RASSF2: variants seen among roughly 807,000 people sequenced by gnomAD.
RASSF2 encodes the protein ras association domain-containing protein 2.
Under a neutral mutation model 46.3 loss-of-function variants are expected in RASSF2, and 34 were observed. The ratio of observed to expected loss-of-function variants is 0.73; its 90% CI spans 0.56 to 0.98. The LOEUF (loss-of-function observed/expected upper bound fraction) is 0.98, where lower values mean the gene tolerates loss of function less well. Ranked by LOEUF, RASSF2 falls within the 50% of genes least tolerant of loss-of-function variation. RASSF2 has a pLI of 0.00. For missense variants in RASSF2, 364 were observed against 431.2 expected (o/e 0.84, Z 1.38); for synonymous variants, 158 against 162.5 (o/e 0.97, Z 0.21).
intron 2 of RASSF2, among the ~76,000 whole-genome samples, chr20:4,821,096 G>T (rs559362572): frequency 6.6e-6 from 1 of 152,218 alleles, no homozygotes; most frequent in Admixed American, 6.5e-5. Context: ...ACGCAGACAC[G>T]AAGCCTGGCT....
At chr20:4,801,787 G>A (rs1360774611) in intron 2 of RASSF2, among the ~76,000 whole-genome samples, 1 of 152,108 alleles carries the variant, frequency 6.6e-6, no homozygotes, top group Non-Finnish European at 1.5e-5. Flanking sequence ...CGCCCAGGCT[G>A]GAGTGCAGTG....
chr20:4,801,042 C>G lies in RASSF2; in HGVS notation c.-12G>C, dbSNP rs776357474. ...TGGCTGTAGTCCATTCTTCCTTTCT[C>G]TTTTCATCGGAAGGAGAGGCCTACA... On this transcript the variant is annotated 5_prime_UTR_variant, in exon 3 of 12. Transcript: ENST00000379400. The G allele has an allele frequency of 1.1e-5, 17 of 1,613,408 alleles. No individual in the cohort carries two copies. In the Admixed American group the frequency reaches 2.8e-4, roughly 27 times the overall value.
chr20:4,813,857 A>G (rs1387359678), intron 2 of RASSF2, among the ~76,000 whole-genome samples: 4 of 151,776 alleles, frequency 2.6e-5, no homozygotes, highest in African/African-American at 9.7e-5. Flanking sequence ...ATCCACATGT[A>G]TGGTGTGTGT....
chr20:4,791,816 T>C (rs1438244236), intron 6 of RASSF2, among the ~76,000 whole-genome samples: 1 of 152,176 alleles, frequency 6.6e-6, no homozygotes, highest in Non-Finnish European at 1.5e-5. Context: ...TTATCCTTTT[T>C]CCATACAGTG....
At chr20:4,815,353 C>T (rs990998858) in intron 2 of RASSF2, among the ~76,000 whole-genome samples, 7 of 151,372 alleles carry the variant, frequency 4.6e-5, no homozygotes, top group African/African-American at 7.2e-5. Flanking sequence ...AGACCCTACA[C>T]GGCACTTTAG....
At chr20:4,801,145 C>T in intron 2 of RASSF2, 83 bp from the exon 3 acceptor site, 3 of 992,680 alleles carry the variant, frequency 3.0e-6, no homozygotes, top group Non-Finnish European at 4.7e-6. Flanking sequence ...GGAGGGGGCA[C>T]AAAATTGGAC....
Position 4,781,327 on chromosome 20 carries a change from G to C in RASSF2, c.*2946C>G, listed in dbSNP as rs1291208906. ...TGTTCTCTTCTGGTGAGGGAAGAGA[G>C]GATTGTGAAAATATTTCTCCTTGAA... On this transcript the variant is annotated 3_prime_UTR_variant, in exon 12 of 12. Transcript: ENST00000379400. 6.6e-6 allele frequency: 1 copy of C among 152,150 alleles called. No homozygotes were observed. Among genetic ancestry groups the C allele is most frequent in the Non-Finnish European group, 1.5e-5 (1 of 68,032 alleles). The allele number at this position is 152,150 out of a possible 1,614,324, so 9.4% of individuals were successfully genotyped here.
intron 9 of RASSF2, 75 bp from the exon 10 acceptor site, chr20:4,787,829 A>AAGGGACC (rs3835262): frequency 1.9e-6 from 3 of 1,588,912 alleles, no homozygotes. Context: ...CAGGGGTCCA[A>AAGGGACC]AGGCACCTTA....
At chr20:4,793,437 G>A (rs909775796) in intron 5 of RASSF2, among the ~76,000 whole-genome samples, 7 of 152,122 alleles carry the variant, frequency 4.6e-5, no homozygotes, top group Admixed American at 3.3e-4. Context: ...GGGGAGGATC[G>A]TTTTAAGGAA....
At chr20:4,820,516 T>A (rs73593121) in intron 2 of RASSF2, among the ~76,000 whole-genome samples, 6,762 of 151,262 alleles carry the variant, frequency 0.045, 494 homozygotes, top group African/African-American at 0.15. Flanking sequence ...TGTCAAAAAA[T>A]AATAATAATA....
At chr20:4,821,729 A>G (rs1928701335) in intron 2 of RASSF2, among the ~76,000 whole-genome samples, 1 of 152,182 alleles carries the variant, frequency 6.6e-6, no homozygotes, top group Non-Finnish European at 1.5e-5. Flanking sequence ...CTATGCCTCC[A>G]TCTTCTCCCA....
At chr20:4,784,990 G>A (rs192017298) in intron 11 of RASSF2, among the ~76,000 whole-genome samples, 15 of 152,142 alleles carry the variant, frequency 9.9e-5, no homozygotes, top group African/African-American at 3.4e-4. Flanking sequence ...GATTTGTGCT[G>A]CACAGAAAAA....
chr20:4,805,063 G>A (rs894889308), intron 2 of RASSF2, among the ~76,000 whole-genome samples: 1 of 152,084 alleles, frequency 6.6e-6, no homozygotes, highest in Admixed American at 6.5e-5. Context: ...ACCTGGTGAG[G>A]AGTCTGGACT....
rs2422975 is a variant in RASSF2 at position 4,782,223 on chromosome 20, G to A, written c.*2050C>T. ...CTTATAAGCCAGAAATCGCTGTCCA[G>A]TAAGAGCTAGTGGTTAGTAGTTTGC... On this transcript the variant is annotated 3_prime_UTR_variant, in exon 12 of 12. Coordinates refer to ENST00000379400, the MANE Select transcript of RASSF2 (RefSeq NM_014737.3). 100,118 of 152,476 alleles carry A rather than the reference G, an allele frequency of 0.66. 33,043 individuals carry two copies. The highest frequency in any genetic ancestry group is 0.75 in the East Asian group (3,867 of 5,186). 9.4% of individuals were successfully genotyped at this position (152,476 alleles called of 1,614,324 possible).
At chr20:4,797,955 A>G in intron 4 of RASSF2, 55 bp downstream of exon 4, 1 of 1,609,058 alleles carries the variant, frequency 6.2e-7, no homozygotes. Context: ...GACCCAGGAC[A>G]CATGGTGACA....
At chr20:4,786,518 G>A (rs115258053) in intron 10 of RASSF2, among the ~76,000 whole-genome samples, 190 bp from the exon 11 acceptor site, 4 of 152,134 alleles carry the variant, frequency 2.6e-5, no homozygotes, top group Admixed American at 6.5e-5. Context: ...TGATCGCTTC[G>A]CTTACGTGAC....
At chr20:4,787,835 CCT>C in intron 9 of RASSF2, 81 bp from the exon 10 acceptor site, 19 of 1,580,218 alleles carry the variant, frequency 1.2e-5, no homozygotes, top group East Asian at 2.2e-5. Flanking sequence ...TCCAAAGGCA[CCT>C]TAGGAGATGC....
rs138420466 is a variant in RASSF2, at chr20:4,799,842, T to G, written c.59+1130A>C. 7.9e-4 allele frequency among the ~76,000 whole-genome samples: 121 copies of G among 152,364 alleles called. No individual in the cohort carries two copies. The East Asian group carries it at 8.3e-3, about 10-fold the overall frequency. On this transcript the variant is annotated intron_variant, in intron 3 of 11. Transcript: ENST00000379400. ...ATAGAGAAATCCCAGCTGGGTGTGG[T>G]GGCTCACGCCTGTAATCCCAGCACT...
intron 2 of RASSF2, among the ~76,000 whole-genome samples, chr20:4,801,758 GAA>G (rs1926889972): frequency 6.6e-6 from 1 of 151,884 alleles, no homozygotes; most frequent in African/African-American, 2.4e-5. Context: ...TGTTTTTTGA[GAA>G]AGAGTCTCAC....
Sources: allele counts gnomAD v4.1 joint callset (sites outside exome capture counted in the v4.1 genomes callset), GRCh38; gene constraint gnomAD v4.1.1; transcripts MANE v1.5; gene names NCBI Gene and HGNC (gene_info 2026-07-23, HGNC 2026-07-21).